Variants in ADK observed in about 807,000 individuals in gnomAD.
ADK encodes adenosine kinase.
Under a neutral mutation model 44.7 loss-of-function variants are expected in ADK, and 24 were observed. The observed-to-expected ratio is 0.54, with a 90% CI of 0.39 to 0.76. The LOEUF (loss-of-function observed/expected upper bound fraction) is 0.76. Among genes scored for constraint, ADK ranks in the 30% least tolerant of loss-of-function variants. The pLI, the probability that ADK is intolerant of heterozygous loss-of-function variation, is 0.00. For missense variants in ADK, 321 were observed against 425.1 expected (o/e 0.76, Z 2.15); for synonymous variants, 128 against 142.6 (o/e 0.90, Z 0.73).
At chr10:74,678,102 C>T (rs1292629897) in intron 10 of ADK, among the ~76,000 whole-genome samples, 3 of 146,258 alleles carry the variant, frequency 2.1e-5, no homozygotes, top group Non-Finnish European at 4.5e-5. Context: ...GGTCACGCCA[C>T]TGCACTACAG....
chr10:74,435,923 G>A (rs1448719583), intron 6 of ADK, among the ~76,000 whole-genome samples: 1 of 152,144 alleles, frequency 6.6e-6, no homozygotes, highest in Non-Finnish European at 1.5e-5. Flanking sequence ...AATTCTTTAA[G>A]CTGAAATTAA....
intron 4 of ADK, among the ~76,000 whole-genome samples, chr10:74,356,014 T>A (rs1306529347): frequency 7.8e-6 from 1 of 128,214 alleles, no homozygotes; most frequent in Non-Finnish European, 1.7e-5. Context: ...TTTTTTTTTT[T>A]TTTTTTTTTT....
chr10:74,447,137 A>G (rs1449734934), intron 6 of ADK, among the ~76,000 whole-genome samples: 1 of 152,194 alleles, frequency 6.6e-6, no homozygotes, highest in Non-Finnish European at 1.5e-5. Context: ...GGAGGATAAA[A>G]GGATTATTTT....
chr10:74,644,553 A>T (rs909554691), intron 9 of ADK, among the ~76,000 whole-genome samples: 3 of 152,198 alleles, frequency 2.0e-5, no homozygotes, highest in African/African-American at 7.2e-5. Flanking sequence ...TTTATTTTTG[A>T]GGCAGGGTCT....
chr10:74,472,902 C>T (rs1029850135), intron 6 of ADK, among the ~76,000 whole-genome samples: 5 of 152,118 alleles, frequency 3.3e-5, no homozygotes, highest in African/African-American at 1.2e-4. Context: ...ATAATTTTAG[C>T]CAATACTAAT....
At chr10:74,671,700 A>G (rs1564845540) in intron 10 of ADK, among the ~76,000 whole-genome samples, 1 of 152,212 alleles carries the variant, frequency 6.6e-6, no homozygotes, top group Non-Finnish European at 1.5e-5. Context: ...TTGGTTAGAA[A>G]TTGGTCAAAC....
At chr10:74,707,582 G>C (rs1210305173) in intron 10 of ADK, among the ~76,000 whole-genome samples, 1 of 151,962 alleles carries the variant, frequency 6.6e-6, no homozygotes, top group African/African-American at 2.4e-5. Flanking sequence ...GGCCAACATG[G>C]TGAAACCCCA....
intron 4 of ADK, among the ~76,000 whole-genome samples, chr10:74,354,889 T>C (rs1291582237): frequency 1.3e-5 from 2 of 152,250 alleles, no homozygotes; most frequent in Admixed American, 6.5e-5. Context: ...TCACTTCCAC[T>C]CACTGCTTCC....
At chr10:74,232,537 A>ACC (rs1844805347) in intron 3 of ADK, among the ~76,000 whole-genome samples, 1 of 98,764 alleles carries the variant, frequency 1.0e-5, no homozygotes. Context: ...ACAAACAAAC[A>ACC]ACCCCCCCGC....
intron 6 of ADK, among the ~76,000 whole-genome samples, chr10:74,402,435 G>A (rs534098867): frequency 1.8e-4 from 27 of 151,914 alleles, no homozygotes; most frequent in African/African-American, 4.8e-4. Flanking sequence ...GGCTTTGTGC[G>A]TTTCTTTTTA....
chr10:74,541,793 CA>C (rs749442545), intron 7 of ADK, among the ~76,000 whole-genome samples: 89 of 37,244 alleles, frequency 2.4e-3, no homozygotes, highest in East Asian at 7.5e-3. Flanking sequence ...AACCCCCACA[CA>C]CCCCCCCCCC....
chr10:74,602,568 T>G (rs1322061840), intron 9 of ADK, among the ~76,000 whole-genome samples: 2 of 152,184 alleles, frequency 1.3e-5, no homozygotes, highest in African/African-American at 4.8e-5. Context: ...CATTTTATTC[T>G]TTATTAAATC....
rs551431459 is a variant in ADK at position 74,573,004 on chromosome 10, G to A, written c.727-16278G>A. Among the ~76,000 whole-genome samples the A allele has an allele frequency of 1.4e-3, 210 of 152,280 alleles. 1 individual carries two copies. Among genetic ancestry groups the A allele is most frequent in the African/African-American group, 4.6e-3 (192 of 41,560 alleles). ...ATCTGAAGCCTTCTTCTCTCAACTC[G>A]TCAAAGTCATTCTCCATCCAGCTTT... is the stretch of plus-strand genomic sequence containing the variant. On this transcript the variant is annotated intron_variant, in intron 7 of 10. Coordinates refer to ENST00000539909, the MANE Select transcript of ADK (RefSeq NM_006721.4).
At chr10:74,439,198 C>G (rs780967995) in intron 6 of ADK, among the ~76,000 whole-genome samples, 4 of 152,134 alleles carry the variant, frequency 2.6e-5, no homozygotes, top group Non-Finnish European at 5.9e-5. Context: ...ATGACCAGAA[C>G]CCTTATGTTC....
intron 4 of ADK, among the ~76,000 whole-genome samples, chr10:74,391,650 T>TACACACACACACACACACAC (rs1491120125): frequency 2.3e-4 from 31 of 134,726 alleles, no homozygotes; most frequent in African/African-American, 9.1e-4. Context: ...GAGGCAAGAA[T>TACACACACACACACACACAC]ATACACACAC....
intron 7 of ADK, among the ~76,000 whole-genome samples, chr10:74,557,967 G>A (rs143597964): frequency 6.6e-6 from 1 of 152,282 alleles, no homozygotes; most frequent in Non-Finnish European, 1.5e-5. Flanking sequence ...GTTAGGATAA[G>A]GAAACCTGTT....
chr10:74,429,910 T>C (rs781594681), intron 6 of ADK, among the ~76,000 whole-genome samples: 21 of 152,232 alleles, frequency 1.4e-4, no homozygotes, highest in African/African-American at 3.1e-4. Flanking sequence ...TCTCTAAAAT[T>C]ATTAACAATA....
intron 9 of ADK, among the ~76,000 whole-genome samples, chr10:74,640,539 A>G (rs4746212): frequency 0.018 from 2,707 of 152,334 alleles, 71 homozygotes; most frequent in African/African-American, 0.062. Flanking sequence ...ACTATAAAGT[A>G]AAAGGAGTAG....
chr10:74,160,759 TGA>T (rs1841874333), intron 1 of ADK, among the ~76,000 whole-genome samples: 1 of 140,806 alleles, frequency 7.1e-6, no homozygotes, highest in Non-Finnish European at 1.6e-5. Context: ...GGGGAGCCAG[TGA>T]GTGTAGGCAT....
Sources: allele counts gnomAD v4.1 joint callset (sites outside exome capture counted in the v4.1 genomes callset), GRCh38; gene constraint gnomAD v4.1.1; transcripts MANE v1.5; gene names NCBI Gene and HGNC (gene_info 2026-07-23, HGNC 2026-07-21).